KMT2C: variants seen among roughly 807,000 people sequenced by gnomAD.
KMT2C encodes the protein lysine methyltransferase 2C, also known as histone-lysine N-methyltransferase 2C.
A neutral mutation model predicts 507.9 loss-of-function variants in KMT2C; 88 were observed. That is an observed-to-expected ratio of 0.17 (90% confidence interval 0.15 to 0.21). The LOEUF (loss-of-function observed/expected upper bound fraction) is 0.21. Among genes scored for constraint, KMT2C ranks in the 10% least tolerant of loss-of-function variants. The pLI, the probability that KMT2C is intolerant of heterozygous loss-of-function variation, is 1.00. For synonymous variants in KMT2C, 2,049 were observed against 2,080.8 expected (o/e 0.98, Z 0.42); for missense variants, 4,954 against 5,957.8 (o/e 0.83, Z 5.55).
intron 9 of KMT2C, among the ~76,000 whole-genome samples, chr7:152,259,887 A>G (rs2095739259): frequency 1.3e-5 from 2 of 152,224 alleles, no homozygotes; most frequent in African/African-American, 4.8e-5. Context: ...ATGACTCAAG[A>G]CTACAGAGAG....
intron 18 of KMT2C, among the ~76,000 whole-genome samples, chr7:152,225,451 G>GTA (rs2094897545): frequency 6.6e-6 from 1 of 152,204 alleles, no homozygotes. Context: ...TGCTAGAAGA[G>GTA]TATAAGTTTC....
At chr7:152,158,626 G>C (rs536818506) in intron 44 of KMT2C, among the ~76,000 whole-genome samples, 3 of 151,160 alleles carry the variant, frequency 2.0e-5, no homozygotes, top group Non-Finnish European at 4.4e-5. Context: ...AGCAATTCTC[G>C]TGCCTCAGCC....
In KMT2C at chr7:152,199,477, C is replaced by T. The variant is rs2129133234; in HGVS notation, c.4093-18G>A. The T allele has an allele frequency of 6.7e-7, 1 of 1,487,152 alleles. No individual in the cohort carries two copies. The highest frequency in any genetic ancestry group is 8.9e-7 in the Non-Finnish European group (1 of 1,117,932). 92.1% of individuals were successfully genotyped at this position (1,487,152 alleles called of 1,614,324 possible). On this transcript the variant is annotated intron_variant, in intron 26 of 58. Coordinates refer to ENST00000262189, the MANE Select transcript of KMT2C (RefSeq NM_170606.3). The stretch of plus-strand genomic sequence containing the variant: ...AAAGCTTCCTAGATGAAGATAAGCA[C>T]ATACAAAAATGGTTAGAAAATTCTA...
chr7:152,379,112 C>T lies in KMT2C; in HGVS notation c.162-20437G>A, dbSNP rs372291083. On this transcript the variant is annotated intron_variant, in intron 1 of 58. Coordinates refer to ENST00000262189, the MANE Select transcript of KMT2C (RefSeq NM_170606.3). ...CATTCATTCCTTGTTCCAAGGCCCT[C>T]CCAACACCACTGAAACTTTTTTCAA... Among the ~76,000 whole-genome samples, 47 of 152,326 alleles carry T rather than the reference C, an allele frequency of 3.1e-4. No homozygotes were observed. The East Asian group carries it at 5.8e-3, about 19-fold the overall frequency.
chr7:152,176,199 G>C lies in KMT2C; in HGVS notation c.9254C>G (p.Pro3085Arg), dbSNP rs1266516224. 5.6e-6 allele frequency: 9 copies of C among 1,598,320 alleles called. No homozygotes were observed. Among genetic ancestry groups the C allele is most frequent in the Non-Finnish European group, 6.8e-6 (8 of 1,172,034 alleles). ...MIRQRSEPFF[P>R]NIDFDAITDP... ...CTCAAGAAAACTCCTACCAATATTA[G>C]GGAAGAACGGTTCTGATCGCTGACG... Residue 3085 changes from proline (P) to arginine (R), a missense_variant, in exon 38 of 59, where the codon CCT (proline) becomes CGT (arginine). Around this residue, in one of 29 missense-constraint regions of KMT2C, gnomAD observed 1,689 missense variants for 1,654.3 expected, o/e 1.02. Coordinates refer to ENST00000262189, the MANE Select transcript of KMT2C (RefSeq NM_170606.3).
chr7:152,388,449 C>T lies in KMT2C; in HGVS notation c.162-29774G>A, dbSNP rs147183145. Among the ~76,000 whole-genome samples, 568 of 152,112 alleles carry T rather than the reference C, an allele frequency of 3.7e-3. 3 individuals carry two copies. The highest frequency in any genetic ancestry group is 0.013 in the African/African-American group (549 of 41,534). ...TGGTGTGTGCCAGTAGTCCCAGCTA[C>T]TCGGGAGGCTGAGGCAGAAGAATCG... On this transcript the variant is annotated intron_variant, in intron 1 of 58. Coordinates refer to ENST00000262189, the MANE Select transcript of KMT2C (RefSeq NM_170606.3).
At chr7:152,305,154 G>GA (rs1166868928) in intron 6 of KMT2C, among the ~76,000 whole-genome samples, 1 of 151,932 alleles carries the variant, frequency 6.6e-6, no homozygotes, top group Admixed American at 6.6e-5. Context: ...AACCAAAACA[G>GA]AAAAAAACCC....
At chr7:152,190,563 T>A (rs2093761764) in intron 31 of KMT2C, among the ~76,000 whole-genome samples, 1 of 152,200 alleles carries the variant, frequency 6.6e-6, no homozygotes, top group South Asian at 2.1e-4. Context: ...AAGCAAAGTA[T>A]TTCTTCTTAT....
intron 5 of KMT2C, among the ~76,000 whole-genome samples, chr7:152,310,924 G>T (rs1195575515): frequency 6.6e-6 from 1 of 151,844 alleles, no homozygotes; most frequent in African/African-American, 2.4e-5. Context: ...GAGTTCAAGC[G>T]ATCCACCTAC....
chr7:152,404,630 T>TGAAAAAAAAAA (rs113947433), intron 1 of KMT2C, among the ~76,000 whole-genome samples: 1 of 56,334 alleles, frequency 1.8e-5, no homozygotes, highest in South Asian at 4.6e-4. Flanking sequence ...GACTCAGGTC[T>TGAAAAAAAAAA]CAAAAAAAAA....
intron 1 of KMT2C, among the ~76,000 whole-genome samples, chr7:152,418,660 G>A (rs1286843588): frequency 6.6e-6 from 1 of 151,728 alleles, no homozygotes; most frequent in African/African-American, 2.4e-5. Flanking sequence ...TCGAACTCCT[G>A]ACCTTGTGAT....
At chr7:152,167,423 C>T in intron 41 of KMT2C, 45 bp from the exon 42 acceptor site, 1 of 1,293,006 alleles carries the variant, frequency 7.7e-7, no homozygotes, top group Non-Finnish European at 1.1e-6. Context: ...TCTAAAGAGT[C>T]CAACATTATA....
In KMT2C at chr7:152,178,015, T is replaced by TTAAAAAAAAAAA. The variant is rs1491309235; in HGVS notation, c.7443-6_7443-5insTTTTTTTTTTTA. Reference sequence around the variant, plus strand: ...CTACCTCCTGGAAATCCAAATCTTTTAAAAAAAAAAAAAAAAAAAAAAAAA... The same window carrying TTAAAAAAAAAAA: ...CTACCTCCTGGAAATCCAAATCTTTTTAAAAAAAAAAAAAAAAAAAAAAAAAAAAAAAAAAAA... On this transcript the variant is annotated splice_polypyrimidine_tract_variant and splice_region_variant and intron_variant, in intron 37 of 58. Transcript: ENST00000262189. 149 of 810,920 alleles carry TTAAAAAAAAAAA rather than the reference T, an allele frequency of 1.8e-4. 2 individuals carry two copies. Among genetic ancestry groups the TTAAAAAAAAAAA allele is most frequent in the African/African-American group, 1.1e-3 (36 of 32,420 alleles). 50.2% of individuals were successfully genotyped at this position (810,920 alleles called of 1,614,324 possible).
intron 3 of KMT2C, among the ~76,000 whole-genome samples, chr7:152,319,761 G>A (rs928970382): frequency 6.6e-6 from 1 of 152,124 alleles, no homozygotes; most frequent in African/African-American, 2.4e-5. Flanking sequence ...GATAGCAGTA[G>A]AAAATTAGTG....
chr7:152,167,250 G>T lies in KMT2C; in HGVS notation c.9646C>A (p.Gln3216Lys). ...RKSKKALSAK[Q>K]RTAKKAGREF... Reference sequence around the variant, plus strand: ...CGCCCAGCTTTCTTGGCAGTACGTTGTTTAGCTGAAAGGGCCTTCTTAGAT... The same window carrying T: ...CGCCCAGCTTTCTTGGCAGTACGTTTTTTAGCTGAAAGGGCCTTCTTAGAT... The change falls in exon 42 of 59, where the codon CAA (glutamine) becomes AAA (lysine). Residue 3216 changes from glutamine to lysine, a missense_variant. Gln to Lys is a moderately conservative substitution (Grantham distance 53, BLOSUM62 1). Transcript: ENST00000262189. 6.2e-7 allele frequency: 1 copy of T among 1,614,032 alleles called. No individual in the cohort carries two copies. Among genetic ancestry groups the T allele is most frequent in the Non-Finnish European group, 8.5e-7 (1 of 1,179,986 alleles).
At chr7:152,241,094 T>A (rs978107944) in intron 14 of KMT2C, among the ~76,000 whole-genome samples, 4 of 152,244 alleles carry the variant, frequency 2.6e-5, no homozygotes, top group Non-Finnish European at 5.9e-5. Flanking sequence ...TATTCTGGCT[T>A]CCTTGCTGTC....
intron 2 of KMT2C, among the ~76,000 whole-genome samples, chr7:152,346,486 T>G (rs1176536100): frequency 6.6e-6 from 1 of 152,056 alleles, no homozygotes; most frequent in Non-Finnish European, 1.5e-5. Context: ...AAATAACACA[T>G]AGGTCAAAGA....
intron 1 of KMT2C, among the ~76,000 whole-genome samples, chr7:152,418,438 G>T (rs2097758841): frequency 6.6e-6 from 1 of 151,850 alleles, no homozygotes; most frequent in Non-Finnish European, 1.5e-5. Flanking sequence ...TCAGTTTTTT[G>T]TTGTTGTTTT....
rs1223836777 is a variant in KMT2C, at chr7:152,221,806, G to C, written c.3499+195C>G. 2.0e-5 allele frequency among the ~76,000 whole-genome samples: 3 copies of C among 152,126 alleles called. No homozygotes were observed. The East Asian group carries it at 5.8e-4, about 29-fold the overall frequency. The stretch of plus-strand genomic sequence containing the variant: ...GAGCTGTTATTTTTGTTGCCTACTT[G>C]CTGAAATTTATAGGAATACTGCCCC... On this transcript the variant is annotated intron_variant, in intron 22 of 58. Coordinates refer to ENST00000262189, the MANE Select transcript of KMT2C (RefSeq NM_170606.3).
Sources: gnomAD v4.1 joint callset for allele counts (sites outside exome capture counted in the v4.1 genomes callset) on GRCh38, gnomAD v4.1.1 for gene constraint, gnomAD v4.1.1 regional missense constraint, MANE v1.5 for transcripts, NCBI Gene and HGNC (gene_info 2026-07-23, HGNC 2026-07-21) for gene names.